Variants in LAMA3 observed in about 807,000 individuals in gnomAD.
The protein encoded by LAMA3 is laminin subunit alpha 3, also known as laminin subunit alpha-3.
In LAMA3, 281 loss-of-function variants were observed where a neutral mutation model predicts 402.0. That is an observed-to-expected ratio of 0.70 (90% CI 0.63 to 0.77). The LOEUF (loss-of-function observed/expected upper bound fraction) is 0.77. LAMA3 is among the 30% of genes least tolerant of loss of function. The pLI is 0.00. For missense variants in LAMA3, 3,840 were observed against 4,215.5 expected (o/e 0.91, Z 2.47); for synonymous variants, 1,431 against 1,558.4 (o/e 0.92, Z 1.93).
At chr18:23,798,922 T>C (rs989184338) in intron 12 of LAMA3, among the ~76,000 whole-genome samples, 1 of 152,206 alleles carries the variant, frequency 6.6e-6, no homozygotes, top group Non-Finnish European at 1.5e-5. Flanking sequence ...AGCTTATTAC[T>C]GCAGGTGAAG....
intron 11 of LAMA3, 67 bp from the exon 12 acceptor site, chr18:23,783,956 G>T: frequency 3.2e-6 from 5 of 1,581,102 alleles, no homozygotes; most frequent in Non-Finnish European, 4.3e-6. Context: ...GAAACCTAGG[G>T]GAAGGGAGAA....
At chr18:23,786,536 G>A (rs887791072) in intron 12 of LAMA3, among the ~76,000 whole-genome samples, 4 of 152,218 alleles carry the variant, frequency 2.6e-5, no homozygotes, top group African/African-American at 4.8e-5. Flanking sequence ...TATGGTGGGA[G>A]AGGAAAACTG....
intron 2 of LAMA3, among the ~76,000 whole-genome samples, chr18:23,721,332 A>G (rs1221120503): frequency 6.6e-6 from 1 of 152,186 alleles, no homozygotes; most frequent in East Asian, 1.9e-4. Context: ...CCCTCCAAAC[A>G]GTGGTTCAAA....
chr18:23,747,358 C>G (rs568167607), intron 2 of LAMA3, among the ~76,000 whole-genome samples: 2 of 152,134 alleles, frequency 1.3e-5, no homozygotes, highest in African/African-American at 4.8e-5. Flanking sequence ...TTTGCATCAT[C>G]CTGGCCATGG....
At chr18:23,872,939 G>C in intron 38 of LAMA3, 1 of 1,454,830 alleles carries the variant, frequency 6.9e-7, no homozygotes, top group East Asian at 2.3e-5. Context: ...GCCGCAGACA[G>C]CCTTCCTCAC....
At chr18:23,909,109 C>A in intron 54 of LAMA3, 44 bp from the exon 55 acceptor site, 1 of 1,586,832 alleles carries the variant, frequency 6.3e-7, no homozygotes, top group Non-Finnish European at 8.6e-7. Flanking sequence ...TTAGCCTTTT[C>A]TTAATGCACA....
At chr18:23,770,480 G>A (rs2062172520) in intron 8 of LAMA3, among the ~76,000 whole-genome samples, 1 of 152,166 alleles carries the variant, frequency 6.6e-6, no homozygotes, top group South Asian at 2.1e-4. Context: ...AGCTTAACAA[G>A]GCCGGGTGCT....
At chr18:23,704,299 C>T (rs944295272) in intron 1 of LAMA3, among the ~76,000 whole-genome samples, 2 of 152,102 alleles carry the variant, frequency 1.3e-5, no homozygotes, top group African/African-American at 2.4e-5. Context: ...TGTTTCACAC[C>T]GTCCAAATCT....
chr18:23,861,962 C>G (rs943834233), intron 35 of LAMA3, among the ~76,000 whole-genome samples, 155 bp downstream of exon 35: 1 of 152,226 alleles, frequency 6.6e-6, no homozygotes, highest in African/African-American at 2.4e-5. Context: ...GAGACCCTGC[C>G]TCCTGCTGTG....
chr18:23,689,931 A>C lies in LAMA3; in HGVS notation c.248A>C (p.Lys83Thr), dbSNP rs1160616452. The C allele has an allele frequency of 6.5e-7, 1 of 1,527,742 alleles. No individual in the cohort carries two copies. The highest frequency in any genetic ancestry group is 1.2e-5 in the South Asian group (1 of 81,514). The allele number at this position is 1,527,742 out of a possible 1,614,324, so 94.6% of individuals were successfully genotyped here. A position where few individuals can be genotyped will look rare whatever the true frequency, so the allele number is the denominator to read the frequency against. The change falls in exon 1 of 75, where the codon AAG becomes ACG. Residue 83 changes from lysine (K) to threonine (T), a missense_variant. Lys to Thr is a moderately conservative substitution (Grantham distance 78). Around this residue, in one of 3 missense-constraint regions of LAMA3, gnomAD observed 2,109 missense variants for 2,376.0 expected, o/e 0.89. Coordinates refer to ENST00000313654, the MANE Select transcript of LAMA3 (RefSeq NM_198129.4). ...AGGCCCCAGCCCGAGCTCTACTGCA[A>C]GTTGGTCGGGGGCCCCACCGCCCCA... ...EGRPQPELYC[K>T]LVGGPTAPGS...
chr18:23,815,703 A>G (rs2063162581), intron 17 of LAMA3, 130 bp downstream of exon 17: 2 of 743,674 alleles, frequency 2.7e-6, no homozygotes, highest in Non-Finnish European at 4.8e-6. Context: ...CATTCTGTCC[A>G]GGGAATTTGG....
At chr18:23,712,005 T>G (rs1166120637) in intron 1 of LAMA3, among the ~76,000 whole-genome samples, 5 of 152,214 alleles carry the variant, frequency 3.3e-5, no homozygotes, top group Non-Finnish European at 7.3e-5. Context: ...TAACTAAATG[T>G]TCTGGTAAAA....
At chr18:23,931,313 T>C in intron 65 of LAMA3, 112 bp downstream of exon 65, 2 of 873,398 alleles carry the variant, frequency 2.3e-6, no homozygotes, top group South Asian at 2.7e-5. Context: ...CCAAAAATAC[T>C]TCACTAATAA....
intron 32 of LAMA3, among the ~76,000 whole-genome samples, chr18:23,857,628 C>T (rs1017419657): frequency 3.9e-5 from 6 of 152,366 alleles, no homozygotes; most frequent in Middle Eastern, 3.4e-3. Context: ...CCATCTACGA[C>T]GGTCATCCAT....
At chr18:23,876,614 T>C (rs1283072705) in intron 39 of LAMA3, among the ~76,000 whole-genome samples, 1 of 152,260 alleles carries the variant, frequency 6.6e-6, no homozygotes, top group Non-Finnish European at 1.5e-5. Flanking sequence ...AAAAGAGCGC[T>C]GCTGTCTGAG....
At chr18:23,867,164 A>G (rs1369527672) in intron 36 of LAMA3, among the ~76,000 whole-genome samples, 2 of 152,164 alleles carry the variant, frequency 1.3e-5, no homozygotes, top group East Asian at 3.8e-4. Context: ...CCTCCTCAGT[A>G]ACCCACCCAC....
intron 12 of LAMA3, among the ~76,000 whole-genome samples, chr18:23,802,274 G>C (rs533184687): frequency 2.6e-5 from 4 of 152,206 alleles, no homozygotes; most frequent in African/African-American, 4.8e-5. Context: ...TACTCAAACT[G>C]TATTTGTAAC....
chr18:23,693,070 A>T (rs1390657687), intron 1 of LAMA3, among the ~76,000 whole-genome samples: 1 of 152,128 alleles, frequency 6.6e-6, no homozygotes, highest in Non-Finnish European at 1.5e-5. Context: ...ATGGAGAGGC[A>T]TGGTGGCTCA....
chr18:23,924,626 C>A (rs1423099361), intron 62 of LAMA3, among the ~76,000 whole-genome samples: 1 of 150,284 alleles, frequency 6.7e-6, no homozygotes, highest in East Asian at 2.0e-4. Flanking sequence ...CTTACTGCAA[C>A]CTCCACCTCC....
Sources: gnomAD v4.1 joint callset for allele counts (sites outside exome capture counted in the v4.1 genomes callset) on GRCh38, gnomAD v4.1.1 for gene constraint, gnomAD v4.1.1 regional missense constraint, MANE v1.5 for transcripts, NCBI Gene and HGNC (gene_info 2026-07-23, HGNC 2026-07-21) for gene names.